DNAH6: variants seen among roughly 807,000 people sequenced by gnomAD.
The protein encoded by DNAH6 is axonemal beta dynein heavy chain 6.
A neutral mutation model predicts 491.4 loss-of-function variants in DNAH6; 340 were observed. That is an observed-to-expected ratio of 0.69 (90% CI 0.63 to 0.76). The LOEUF (loss-of-function observed/expected upper bound fraction) is 0.76, where lower values mean the gene tolerates loss of function less well. DNAH6 is among the 30% of genes least tolerant of loss of function. The pLI, the probability that DNAH6 is intolerant of heterozygous loss-of-function variation, is 0.00. For missense variants in DNAH6, 4,443 were observed against 4,972.2 expected (o/e 0.89, Z 3.20); for synonymous variants, 1,603 against 1,686.1 (o/e 0.95, Z 1.21).
At position 84,759,519 on chromosome 2, in the gene DNAH6, C is replaced by T. The variant is rs138205290; in HGVS notation, c.10513-3236C>T. On this transcript the variant is annotated intron_variant, in intron 63 of 76. Coordinates refer to ENST00000389394, the MANE Select transcript of DNAH6 (RefSeq NM_001370.2). The stretch of plus-strand genomic sequence containing the variant: ...GCAAGACTCTGTCTCAAAAAGCAAA[C>T]GAACAAAAAAAACCCAATACCTAGG... Among the ~76,000 whole-genome samples the T allele has an allele frequency of 5.3e-3, 808 of 151,126 alleles. 8 individuals are homozygous for T. The highest frequency in any genetic ancestry group is 0.018 in the African/African-American group (747 of 41,218).
intron 62 of DNAH6, among the ~76,000 whole-genome samples, chr2:84,744,732 C>T (rs2105041745): frequency 6.6e-6 from 1 of 152,144 alleles, no homozygotes; most frequent in African/African-American, 2.4e-5. Flanking sequence ...TACTTTGTCC[C>T]ATTTAATTAT....
intron 56 of DNAH6, among the ~76,000 whole-genome samples, chr2:84,712,363 C>T (rs184076984): frequency 6.2e-4 from 94 of 152,178 alleles, no homozygotes; most frequent in Non-Finnish European, 7.4e-5. Context: ...TTTGAAAGCC[C>T]CTGGGCCATG....
intron 72 of DNAH6, among the ~76,000 whole-genome samples, chr2:84,809,529 G>A (rs1239778999): frequency 6.6e-6 from 1 of 152,084 alleles, no homozygotes; most frequent in Admixed American, 6.5e-5. Flanking sequence ...TCAGTCTCCT[G>A]GTCAGGTCAC....
chr2:84,692,040 T>A (rs1164298464), intron 45 of DNAH6, among the ~76,000 whole-genome samples: 3 of 152,188 alleles, frequency 2.0e-5, no homozygotes, highest in African/African-American at 7.2e-5. Context: ...TGACTGGGAG[T>A]CTGTGCCTTG....
intron 20 of DNAH6, 36 bp from the exon 21 acceptor site, chr2:84,606,940 G>T: frequency 6.5e-7 from 1 of 1,538,274 alleles, no homozygotes; most frequent in South Asian, 1.2e-5. Context: ...CACAAATACT[G>T]GGTGCTGCAT....
rs61217837 is a variant in DNAH6, at chr2:84,683,412, ATTTT to A, written c.6917-1890_6917-1887del. ...GTGCCCTTTGTTCTACACCACTCTT[ATTTT>A]TTTTTTTTTTTTTTTTTTTTTTTGA... On this transcript the variant is annotated intron_variant, in intron 42 of 76. Coordinates refer to ENST00000389394, the MANE Select transcript of DNAH6 (RefSeq NM_001370.2). 5.9e-3 allele frequency among the ~76,000 whole-genome samples: 550 copies of A among 93,902 alleles called. 5 individuals carry two copies. Among genetic ancestry groups the A allele is most frequent in the African/African-American group, 0.021 (507 of 24,062 alleles). The allele number at this position is 93,902 out of a possible 152,430, so 61.6% of individuals were successfully genotyped here. A position where few individuals can be genotyped will look rare whatever the true frequency, so the allele number is the denominator to read the frequency against.
chr2:84,796,356 C>T lies in DNAH6; in HGVS notation c.11290C>T (p.Leu3764Phe). The change falls in exon 69 of 77, where the codon CTT becomes TTT. Residue 3764 changes from leucine to phenylalanine, a missense_variant. Coordinates refer to ENST00000389394, the MANE Select transcript of DNAH6 (RefSeq NM_001370.2). ...CACAGACAGCTGGGACCAAAGATGCCTTCGTACTATCTTGAAAAGATTTTT... is the reference window on the plus strand; with the variant it reads ...CACAGACAGCTGGGACCAAAGATGCTTTCGTACTATCTTGAAAAGATTTTT... The part of the protein sequence containing the change: ...RVTDSWDQRC[L>F]RTILKRFFSP... The T allele has an allele frequency of 6.6e-7, 1 of 1,526,042 alleles. No homozygotes were observed. Among genetic ancestry groups the T allele is most frequent in the Non-Finnish European group, 8.8e-7 (1 of 1,130,612 alleles). 94.5% of individuals were successfully genotyped at this position (1,526,042 alleles called of 1,614,324 possible).
intron 62 of DNAH6, among the ~76,000 whole-genome samples, chr2:84,741,124 C>T (rs563728920): frequency 2.6e-5 from 4 of 152,060 alleles, no homozygotes; most frequent in East Asian, 1.9e-4. Context: ...CATAGCAGCT[C>T]GTAGCAAGGC....
At chr2:84,776,675 C>T (rs541443106) in intron 64 of DNAH6, among the ~76,000 whole-genome samples, 1 of 152,186 alleles carries the variant, frequency 6.6e-6, no homozygotes, top group Non-Finnish European at 1.5e-5. Flanking sequence ...ATTTCTCCAC[C>T]TCCTCTCCAG....
At chr2:84,499,199 C>T in the DNAH6 span, among the ~76,000 whole-genome samples, 1 of 152,106 alleles carries the variant, frequency 6.6e-6, no homozygotes, top group African/African-American at 2.4e-5. Context: ...CCCCCACTAC[C>T]CTTCCCAGTC....
At chr2:84,717,708 T>C (rs1697679827) in intron 58 of DNAH6, among the ~76,000 whole-genome samples, 1 of 152,224 alleles carries the variant, frequency 6.6e-6, no homozygotes, top group Non-Finnish European at 1.5e-5. Context: ...AAGGGAGATA[T>C]AAGTTCACCT....
In DNAH6 at chr2:84,801,681, C is replaced by A. The variant is rs147780795; in HGVS notation, c.11482-3984C>A. The stretch of plus-strand genomic sequence containing the variant: ...AGTGGTTCGCCTCAGCTCAGGAGTT[C>A]CAGACCAGCCTGGGCAACACGGTGA... On this transcript the variant is annotated intron_variant, in intron 70 of 76. Transcript: ENST00000389394. 1.0e-3 allele frequency among the ~76,000 whole-genome samples: 157 copies of A among 152,056 alleles called. 1 individual carries two copies. In the Middle Eastern group the frequency reaches 0.027, roughly 26 times the overall value.
At chr2:84,561,915 T>C (rs2104624072) in intron 11 of DNAH6, among the ~76,000 whole-genome samples, 1 of 152,260 alleles carries the variant, frequency 6.6e-6, no homozygotes, top group Admixed American at 6.5e-5. Context: ...CAGGATGAGT[T>C]TCATCTAGCT....
intron 4 of DNAH6, among the ~76,000 whole-genome samples, chr2:84,542,988 A>C (rs1049739516): frequency 5.3e-5 from 8 of 152,190 alleles, no homozygotes; most frequent in African/African-American, 1.9e-4. Flanking sequence ...GTGAAACCCT[A>C]TCTCTACTAA....
intron 64 of DNAH6, among the ~76,000 whole-genome samples, chr2:84,768,883 A>G (rs1008642587): frequency 6.6e-6 from 1 of 152,248 alleles, no homozygotes; most frequent in Non-Finnish European, 1.5e-5. Flanking sequence ...GCCAGGTGTT[A>G]TATCAGCAAT....
the DNAH6 span, among the ~76,000 whole-genome samples, chr2:84,465,062 T>C: frequency 6.6e-6 from 1 of 152,172 alleles, no homozygotes; most frequent in African/African-American, 2.4e-5. Context: ...GGCAATGATA[T>C]TCCTGCCTAA....
chr2:84,504,334 A>G, the DNAH6 span, among the ~76,000 whole-genome samples: 127,552 of 152,066 alleles, frequency 0.84, 55,238 homozygotes, highest in East Asian at 0.99. Flanking sequence ...AATTTCTTTG[A>G]GTTTCCTCAA....
In DNAH6 at chr2:84,619,908, A is replaced by G. The variant is rs1687240352; in HGVS notation, c.3792+4A>G. The G allele has an allele frequency of 6.5e-7, 1 of 1,547,264 alleles. No homozygotes were observed. Among genetic ancestry groups the G allele is most frequent in the Non-Finnish European group, 8.7e-7 (1 of 1,143,610 alleles). On this transcript the variant is annotated splice_donor_region_variant and intron_variant, in intron 24 of 76. Coordinates refer to ENST00000389394, the MANE Select transcript of DNAH6 (RefSeq NM_001370.2). ...GCTGTCACCAGAGGGAGAAAGGGTG[A>G]GGTGCTTTTATTTATATTTCTTTAT...
At chr2:84,641,580 G>C (rs771283568) in intron 32 of DNAH6, among the ~76,000 whole-genome samples, 1 of 152,170 alleles carries the variant, frequency 6.6e-6, no homozygotes, top group African/African-American at 2.4e-5. Context: ...TCACTGGGCT[G>C]GGTTTCGCAG....
Sources: allele counts gnomAD v4.1 joint callset (sites outside exome capture counted in the v4.1 genomes callset), GRCh38; gene constraint gnomAD v4.1.1; transcripts MANE v1.5; gene names NCBI Gene and HGNC (gene_info 2026-07-23, HGNC 2026-07-21).